The following SRGAP2 variants were observed in gnomAD, a reference collection of about 807,000 sequenced individuals.
SRGAP2 encodes SLIT-ROBO Rho GTPase-activating protein 2.
Under a neutral mutation model 57.2 loss-of-function variants are expected in SRGAP2, and 15 were observed. The ratio of observed to expected loss-of-function variants is 0.26; its 90% confidence interval spans 0.18 to 0.40. SRGAP2 has a LOEUF of 0.40. Ranked by LOEUF, SRGAP2 falls within the 10% of genes least tolerant of loss-of-function variation. SRGAP2 has a pLI of 1.00. For synonymous variants in SRGAP2, 249 were observed against 248.0 expected (o/e 1.00, Z -0.04); for missense variants, 520 against 669.6 (o/e 0.78, Z 2.47).
intron 3 of SRGAP2, among the ~76,000 whole-genome samples, chr1:206,313,680 A>G (rs1463524914): frequency 6.6e-6 from 1 of 152,246 alleles, no homozygotes; most frequent in Non-Finnish European, 1.5e-5. Flanking sequence ...GATGGTTTAA[A>G]TAGGTATGAA....
intron 2 of SRGAP2, among the ~76,000 whole-genome samples, chr1:206,298,355 A>G (rs1671699176): frequency 6.6e-6 from 1 of 152,190 alleles, no homozygotes; most frequent in Non-Finnish European, 1.5e-5. Context: ...GAATGTGTTT[A>G]ATTCATACAC....
At chr1:206,353,151 A>C (rs1391749703) in intron 4 of SRGAP2, among the ~76,000 whole-genome samples, 1 of 152,238 alleles carries the variant, frequency 6.6e-6, no homozygotes, top group Non-Finnish European at 1.5e-5. Flanking sequence ...TAGAAATTGT[A>C]GGAAAAATAT....
chr1:206,411,990 C>T (rs1228244015), intron 10 of SRGAP2, among the ~76,000 whole-genome samples: 1 of 152,138 alleles, frequency 6.6e-6, no homozygotes, highest in African/African-American at 2.4e-5. Context: ...CAATTTCATT[C>T]TCACCAACTT....
In SRGAP2 at chr1:206,440,049, T is replaced by G. The variant is rs782574545; in HGVS notation, c.1842T>G (p.Ile614Met). 1.2e-5 allele frequency: 9 copies of G among 780,784 alleles called. No homozygotes were observed. Among genetic ancestry groups the G allele is most frequent in the Non-Finnish European group, 2.2e-5 (9 of 417,980 alleles). The allele number at this position is 780,784 out of a possible 1,614,324, so 48.4% of individuals were successfully genotyped here. ...TAGTCCTGCCCAAAACCACTCTGAT[T>G]ATCATGAGATACCTCTTTGCCTTCC... ...VLLVLPKTTL[I>M]IMRYLFAFLN... Residue 614 changes from isoleucine to methionine, a missense_variant, in exon 17 of 23, where the codon ATT becomes ATG. Ile to Met is a conservative substitution (Grantham distance 10). Around this residue, in one of 5 missense-constraint regions of SRGAP2, gnomAD observed 478 missense variants for 373.6 expected, o/e 1.28. Transcript: ENST00000573034.
chr1:206,421,500 A>G (rs1660300896), intron 13 of SRGAP2, among the ~76,000 whole-genome samples: 1 of 152,158 alleles, frequency 6.6e-6, no homozygotes, highest in Non-Finnish European at 1.5e-5. Context: ...CTAGTCATTT[A>G]TCCTCTTGCA....
At chr1:206,425,338 G>T (rs1386475477) in intron 13 of SRGAP2, among the ~76,000 whole-genome samples, 4 of 152,034 alleles carry the variant, frequency 2.6e-5, no homozygotes, top group Non-Finnish European at 5.9e-5. Context: ...GTTAATTAGG[G>T]TATCTGTCAT....
rs1203506465 is a variant in SRGAP2 at position 206,462,331 on chromosome 1, T to C, written c.*911T>C. The C allele has an allele frequency of 6.5e-6, 1 of 152,676 alleles. No homozygotes were observed. The highest frequency in any genetic ancestry group is 6.5e-5 in the Admixed American group (1 of 15,286). 9.5% of individuals were successfully genotyped at this position (152,676 alleles called of 1,614,324 possible). A position where few individuals can be genotyped will look rare whatever the true frequency, so the allele number is the denominator to read the frequency against. On this transcript the variant is annotated 3_prime_UTR_variant, in exon 23 of 23. Coordinates refer to ENST00000573034, the MANE Select transcript of SRGAP2 (RefSeq NM_015326.5). ...CCATTTTCCATTTAAGACATTTTCCTGTATAAGACAGTTTTATAGCTGGTT... is the reference window on the plus strand; with the variant it reads ...CCATTTTCCATTTAAGACATTTTCCCGTATAAGACAGTTTTATAGCTGGTT...
chr1:206,411,439 C>T (rs1659216140), intron 10 of SRGAP2, among the ~76,000 whole-genome samples: 1 of 152,112 alleles, frequency 6.6e-6, no homozygotes, highest in Admixed American at 6.5e-5. Context: ...GAGTGAATGC[C>T]CCTGTGCTGT....
chr1:206,442,207 C>G (rs186250437), intron 17 of SRGAP2, among the ~76,000 whole-genome samples: 2 of 152,128 alleles, frequency 1.3e-5, no homozygotes, highest in African/African-American at 4.8e-5. Flanking sequence ...TACAGAGGGT[C>G]CTTGTTCCCC....
chr1:206,455,197 T>A, intron 21 of SRGAP2, 173 bp downstream of exon 21: 1 of 665,668 alleles, frequency 1.5e-6, no homozygotes, highest in Non-Finnish European at 2.7e-6. Context: ...CTGAGGATGC[T>A]GCTACAAGCC....
Position 206,454,902 on chromosome 1 carries a change from C to A in SRGAP2, c.2385C>A (p.Ser795=). The change falls in exon 21 of 23, where the codon TCC becomes TCA. Residue 795 remains serine, a synonymous_variant. Transcript: ENST00000573034. This position sits in a 1 kb window ranked among gnomAD's most constrained non-coding sequence, Gnocchi z 4.3. ...QDTEDGVVER[S]SPKSEIEVIS... ...GCGAGGACGGTGTCGTGGAGAGGTC[C>A]AGCCCCAAGTCTGAGATTGAGGTCA... 1.3e-6 allele frequency: 1 copy of A among 778,496 alleles called. No individual in the cohort carries two copies. The highest frequency in any genetic ancestry group is 1.3e-5 in the South Asian group (1 of 74,298). 48.2% of individuals were successfully genotyped at this position (778,496 alleles called of 1,614,324 possible).
At chr1:206,397,285 C>T (rs1239596958) in intron 7 of SRGAP2, among the ~76,000 whole-genome samples, 10 of 151,578 alleles carry the variant, frequency 6.6e-5, no homozygotes, top group African/African-American at 1.5e-4. Context: ...TTCTTGCTGA[C>T]CTATGAGATA....
chr1:206,419,779 G>C (rs1473734164), intron 12 of SRGAP2, among the ~76,000 whole-genome samples: 1 of 151,290 alleles, frequency 6.6e-6, no homozygotes, highest in Non-Finnish European at 1.5e-5. Flanking sequence ...CTCTGACCCA[G>C]AGAAAGAAGA....
At chr1:206,383,786 G>A (rs1170171740) in intron 4 of SRGAP2, among the ~76,000 whole-genome samples, 1 of 146,232 alleles carries the variant, frequency 6.8e-6, no homozygotes, top group Admixed American at 6.7e-5. Context: ...TTCCCTCTAC[G>A]CAATTGCCTT....
Position 206,454,039 on chromosome 1 carries a change from A to G in SRGAP2, c.2360+659A>G. 1.4e-6 allele frequency: 1 copy of G among 690,142 alleles called. No individual in the cohort carries two copies. Among genetic ancestry groups the G allele is most frequent in the South Asian group, 1.5e-5 (1 of 65,334 alleles). The allele number at this position is 690,142 out of a possible 1,614,324, so 42.8% of individuals were successfully genotyped here. ...AAGCAGTTGTCCCGTGGGCCCACCC[A>G]AGCCTGCCCCCTGTCCGTTTGCCCT... On this transcript the variant is annotated intron_variant, in intron 20 of 22. Coordinates refer to ENST00000573034, the MANE Select transcript of SRGAP2 (RefSeq NM_015326.5). This position sits in a 1 kb window ranked among gnomAD's most constrained non-coding sequence, Gnocchi z 4.3.
chr1:206,452,198 T>C (rs1279180476), intron 19 of SRGAP2, among the ~76,000 whole-genome samples: 1 of 152,210 alleles, frequency 6.6e-6, no homozygotes, highest in Non-Finnish European at 1.5e-5. Flanking sequence ...TTAATCTCCA[T>C]GTTACAGATG....
intron 2 of SRGAP2, among the ~76,000 whole-genome samples, chr1:206,289,432 C>G (rs1671190511): frequency 1.3e-5 from 2 of 150,808 alleles, no homozygotes; most frequent in South Asian, 4.2e-4. Context: ...GCCACCACGC[C>G]CAGCTACTTT....
At position 206,454,967 on chromosome 1, in the gene SRGAP2, G is replaced by C. The variant is rs782691545; in HGVS notation, c.2450G>C (p.Gly817Ala). 2.6e-6 allele frequency: 2 copies of C among 780,886 alleles called. No individual in the cohort carries two copies. The allele number at this position is 780,886 out of a possible 1,614,324, so 48.4% of individuals were successfully genotyped here. A position where few individuals can be genotyped will look rare whatever the true frequency, so the allele number is the denominator to read the frequency against. ...PPEEKVTARA[G>A]ASCPSGGHVA... ...GAAGAAAAGGTGACAGCCAGAGCGG[G>C]GGCCAGCTGTCCCAGTGGGGGTCAT... Residue 817 changes from glycine to alanine, a missense_variant, in exon 21 of 23, where the codon GGG becomes GCG. Around this residue, in one of 5 missense-constraint regions of SRGAP2, gnomAD observed 478 missense variants for 373.6 expected, o/e 1.28. Coordinates refer to ENST00000573034, the MANE Select transcript of SRGAP2 (RefSeq NM_015326.5). This position sits in a 1 kb window ranked among gnomAD's most constrained non-coding sequence, Gnocchi z 4.3.
At chr1:206,448,004 G>A (rs901174184) in intron 18 of SRGAP2, among the ~76,000 whole-genome samples, 2 of 152,228 alleles carry the variant, frequency 1.3e-5, no homozygotes, top group Non-Finnish European at 2.9e-5. Flanking sequence ...CAGACTGTGT[G>A]GGAGGCTAGA....
Sources: gnomAD v4.1 joint callset for allele counts (sites outside exome capture counted in the v4.1 genomes callset) on GRCh38, gnomAD v4.1.1 for gene constraint, gnomAD v4.1.1 regional missense constraint, Gnocchi (gnomAD v3.1) non-coding constraint, MANE v1.5 for transcripts, NCBI Gene and HGNC (gene_info 2026-07-23, HGNC 2026-07-21) for gene names.